Variants in BNC2 observed in about 807,000 individuals in gnomAD.
The protein encoded by BNC2 is zinc finger protein basonuclin-2.
A neutral mutation model predicts 76.3 loss-of-function variants in BNC2; 20 were observed. That is an observed-to-expected ratio of 0.26 (90% CI 0.18 to 0.38). The LOEUF is 0.38. Among genes scored for constraint, BNC2 ranks in the 10% least tolerant of loss-of-function variants. The pLI is 1.00. For synonymous variants in BNC2, 582 were observed against 514.8 expected, an observed-to-expected ratio of 1.13 and a Z score of -1.77; for missense variants, 1,382 against 1,399.8, an observed-to-expected ratio of 0.99 and a Z score of 0.20.
intron 5 of BNC2, among the ~76,000 whole-genome samples, chr9:16,545,456 G>A (rs1481484097): frequency 1.3e-5 from 2 of 152,136 alleles, no homozygotes; most frequent in Admixed American, 6.6e-5. Flanking sequence ...TTACAGGTGA[G>A]TGAACTGAGG....
chr9:16,866,664 A>T (rs934449348), intron 1 of BNC2, among the ~76,000 whole-genome samples: 18 of 73,276 alleles, frequency 2.5e-4, no homozygotes, highest in African/African-American at 9.4e-4. Flanking sequence ...TGTCACTTTT[A>T]AAAAAAAAAA....
At chr9:16,736,585 T>G (rs983845079) in intron 2 of BNC2, among the ~76,000 whole-genome samples, 6 of 150,282 alleles carry the variant, frequency 4.0e-5, no homozygotes, top group African/African-American at 1.2e-4. Flanking sequence ...AAGCGATTCT[T>G]CTACCTCAGC....
chr9:16,669,786 A>T (rs552517323), intron 3 of BNC2, among the ~76,000 whole-genome samples: 1 of 152,328 alleles, frequency 6.6e-6, no homozygotes, highest in Non-Finnish European at 1.5e-5. Context: ...AAGAAATCAG[A>T]TACCACGGAA....
At chr9:16,543,299 G>A (rs1818380699) in intron 5 of BNC2, among the ~76,000 whole-genome samples, 1 of 152,102 alleles carries the variant, frequency 6.6e-6, no homozygotes, top group Admixed American at 6.5e-5. Flanking sequence ...TTTTTGTATG[G>A]CTAGAGAGTT....
Position 16,412,764 on chromosome 9 carries a change from A to AGAGAGAGAGAGAGAGG in BNC2, c.*6224_*6225insCCTCTCTCTCTCTCTC, listed in dbSNP as rs1563770075. ...GAGAGAGAGAGAGAGAGAGAGAGAGAGACTGACTGATTGTGGATGTGTGTG... is the reference window on the plus strand; with the variant it reads ...GAGAGAGAGAGAGAGAGAGAGAGAGAGAGAGAGAGAGAGAGGGACTGACTGATTGTGGATGTGTGTG... On this transcript the variant is annotated 3_prime_UTR_variant, in exon 7 of 7. Coordinates refer to ENST00000380672, the MANE Select transcript of BNC2 (RefSeq NM_017637.6). 8.6e-6 allele frequency: 1 copy of AGAGAGAGAGAGAGAGG among 115,892 alleles called. No homozygotes were observed. The highest frequency in any genetic ancestry group is 1.8e-5 in the Non-Finnish European group (1 of 56,380). The allele number at this position is 115,892 out of a possible 1,614,324, so 7.2% of individuals were successfully genotyped here.
chr9:16,488,927 T>A (rs1195611863), intron 5 of BNC2, among the ~76,000 whole-genome samples: 1 of 152,192 alleles, frequency 6.6e-6, no homozygotes, highest in East Asian at 1.9e-4. Context: ...TATGTTTCAG[T>A]CATTGCTAAT....
At chr9:16,677,532 C>A (rs1195557438) in intron 3 of BNC2, among the ~76,000 whole-genome samples, 1 of 150,300 alleles carries the variant, frequency 6.7e-6, no homozygotes, top group Non-Finnish European at 1.5e-5. Flanking sequence ...AAGATCGCGC[C>A]ACTGCACTCC....
intron 4 of BNC2, among the ~76,000 whole-genome samples, chr9:16,581,472 C>T (rs1490501461): frequency 3.3e-5 from 5 of 152,128 alleles, no homozygotes; most frequent in South Asian, 4.1e-4. Context: ...GAAGGAGAAC[C>T]GCTTGAACCC....
intron 5 of BNC2, among the ~76,000 whole-genome samples, chr9:16,528,737 A>C (rs1006093393): frequency 7.2e-5 from 11 of 152,228 alleles, no homozygotes. Flanking sequence ...AAAACAACCC[A>C]ACTGTCTTTA....
chr9:16,553,819 G>C (rs542275647), intron 4 of BNC2, among the ~76,000 whole-genome samples: 1 of 152,260 alleles, frequency 6.6e-6, no homozygotes, highest in African/African-American at 2.4e-5. Context: ...ATTACATTTT[G>C]CCTCAGTTTC....
chr9:16,494,520 G>A (rs893343363), intron 5 of BNC2, among the ~76,000 whole-genome samples: 1 of 152,100 alleles, frequency 6.6e-6, no homozygotes. Context: ...GGTGAGGAAA[G>A]GCTGAAAATT....
intron 5 of BNC2, among the ~76,000 whole-genome samples, chr9:16,452,570 C>G (rs913734765): frequency 7.2e-5 from 11 of 152,042 alleles, no homozygotes; most frequent in African/African-American, 2.7e-4. Context: ...CTGCCATGCC[C>G]GGCTAATTTT....
At chr9:16,829,682 G>A (rs924912577) in intron 1 of BNC2, among the ~76,000 whole-genome samples, 11 of 151,978 alleles carry the variant, frequency 7.2e-5, no homozygotes, top group African/African-American at 2.7e-4. Flanking sequence ...ACATCTTAAC[G>A]CACAGTAGGC....
chr9:16,856,328 T>C (rs1819257328), intron 1 of BNC2, among the ~76,000 whole-genome samples: 1 of 152,072 alleles, frequency 6.6e-6, no homozygotes, highest in Non-Finnish European at 1.5e-5. Flanking sequence ...TAATTATCAC[T>C]GTCCTTTGTA....
intron 3 of BNC2, among the ~76,000 whole-genome samples, chr9:16,695,616 C>A (rs1018761997): frequency 1.3e-5 from 2 of 150,186 alleles, no homozygotes; most frequent in East Asian, 2.0e-4. Flanking sequence ...CTCAAGTGAT[C>A]CTCCTGCTGC....
At chr9:16,679,769 A>C (rs915614660) in intron 3 of BNC2, among the ~76,000 whole-genome samples, 2 of 152,254 alleles carry the variant, frequency 1.3e-5, no homozygotes, top group African/African-American at 2.4e-5. Context: ...CAGCAAATGC[A>C]TTAGCAAGGG....
rs116621940 is a variant in BNC2, at chr9:16,802,970, G to A, written c.4-64485C>T. ...AAAACCAGGTAGCAAATATTTGGTT[G>A]GTAAAATAGAGTAGACCATCACACA... is the stretch of plus-strand genomic sequence containing the variant. On this transcript the variant is annotated intron_variant, in intron 1 of 6. Transcript: ENST00000380672. Among the ~76,000 whole-genome samples, 1,440 of 152,254 alleles carry A rather than the reference G, an allele frequency of 9.5e-3. 33 individuals are homozygous for A. The highest frequency in any genetic ancestry group is 0.032 in the African/African-American group (1,340 of 41,546).
At chr9:16,512,684 G>A (rs187288716) in intron 5 of BNC2, among the ~76,000 whole-genome samples, 150 of 152,034 alleles carry the variant, frequency 9.9e-4, no homozygotes, top group African/African-American at 3.2e-3. Context: ...ATGTTTTAAG[G>A]GGTTTCTATA....
At chr9:16,590,304 T>G (rs1453649578) in intron 3 of BNC2, among the ~76,000 whole-genome samples, 1 of 151,920 alleles carries the variant, frequency 6.6e-6, no homozygotes, top group African/African-American at 2.4e-5. Context: ...GAGATTCTCC[T>G]GCCTCAGCCT....
Sources: allele counts gnomAD v4.1 joint callset (sites outside exome capture counted in the v4.1 genomes callset), GRCh38; gene constraint gnomAD v4.1.1; transcripts MANE v1.5; gene names NCBI Gene and HGNC (gene_info 2026-07-23, HGNC 2026-07-21).